DNER: variants seen among roughly 807,000 people sequenced by gnomAD.
The protein encoded by DNER is delta/notch like EGF repeat containing.
In DNER, 33 loss-of-function variants were observed where a neutral mutation model predicts 78.2. That is an observed-to-expected ratio of 0.42 (90% confidence interval 0.32 to 0.56). The LOEUF is 0.56. DNER is among the 20% of genes least tolerant of loss of function. The pLI is 0.11. For synonymous variants in DNER, 417 were observed against 384.8 expected, an observed-to-expected ratio of 1.08 and a Z score of -0.98; for missense variants, 918 against 975.3, an observed-to-expected ratio of 0.94 and a Z score of 0.78.
intron 11 of DNER, among the ~76,000 whole-genome samples, chr2:229,388,061 T>C (rs764069252): frequency 1.3e-5 from 2 of 152,074 alleles, no homozygotes; most frequent in African/African-American, 2.4e-5. Flanking sequence ...GGCAGCAGAA[T>C]GCAGGGGGCA....
At chr2:229,619,412 G>A (rs922936340) in intron 1 of DNER, among the ~76,000 whole-genome samples, 5 of 152,120 alleles carry the variant, frequency 3.3e-5, no homozygotes, top group African/African-American at 1.2e-4. Context: ...AACCAGCTCA[G>A]TGATGTAAGT....
At chr2:229,671,382 C>T (rs2154216836) in intron 1 of DNER, among the ~76,000 whole-genome samples, 2 of 152,344 alleles carry the variant, frequency 1.3e-5, no homozygotes, top group Middle Eastern at 6.8e-3. Flanking sequence ...CCTCTAGCTG[C>T]TTAAAATTCC....
intron 12 of DNER, among the ~76,000 whole-genome samples, chr2:229,362,839 A>G (rs1692246325): frequency 6.6e-6 from 1 of 152,196 alleles, no homozygotes; most frequent in Non-Finnish European, 1.5e-5. Context: ...AAAGAAACAA[A>G]AGATACTGTA....
At chr2:229,379,970 A>G (rs1329105716) in intron 11 of DNER, among the ~76,000 whole-genome samples, 1 of 152,224 alleles carries the variant, frequency 6.6e-6, no homozygotes, top group Non-Finnish European at 1.5e-5. Flanking sequence ...CCCATTCTGT[A>G]TGAGAGCAAT....
chr2:229,664,662 A>G (rs1183259687), intron 1 of DNER, among the ~76,000 whole-genome samples: 1 of 152,192 alleles, frequency 6.6e-6, no homozygotes, highest in Non-Finnish European at 1.5e-5. Flanking sequence ...ACTGAAGCAC[A>G]AAGAAGCTTC....
At chr2:229,535,802 T>C (rs1470334195) in intron 5 of DNER, among the ~76,000 whole-genome samples, 4 of 151,900 alleles carry the variant, frequency 2.6e-5, no homozygotes, top group African/African-American at 4.8e-5. Context: ...CACCACCATA[T>C]CCAGCTAATT....
At chr2:229,592,249 T>G (rs2154214658) in intron 1 of DNER, among the ~76,000 whole-genome samples, 1 of 152,336 alleles carries the variant, frequency 6.6e-6, no homozygotes, top group Admixed American at 6.5e-5. Flanking sequence ...AGCTGTCAAA[T>G]GATATTAGGA....
chr2:229,702,371 C>T (rs1432379958), intron 1 of DNER, among the ~76,000 whole-genome samples: 1 of 151,742 alleles, frequency 6.6e-6, no homozygotes, highest in Non-Finnish European at 1.5e-5. Context: ...CTTGCCTCTA[C>T]AAAAATATTT....
chr2:229,570,798 T>G (rs897629344), intron 4 of DNER, among the ~76,000 whole-genome samples: 1 of 148,376 alleles, frequency 6.7e-6, no homozygotes, highest in Non-Finnish European at 1.5e-5. Context: ...GGGGAGGGAG[T>G]CCAGATGAGG....
chr2:229,385,608 A>C (rs2106334342), intron 11 of DNER, among the ~76,000 whole-genome samples: 1 of 152,348 alleles, frequency 6.6e-6, no homozygotes, highest in Non-Finnish European at 1.5e-5. Context: ...TAAGCTGATA[A>C]GCAACTTCAG....
At chr2:229,688,117 G>A (rs926027851) in intron 1 of DNER, among the ~76,000 whole-genome samples, 1 of 152,152 alleles carries the variant, frequency 6.6e-6, no homozygotes, top group Admixed American at 6.5e-5. Context: ...AAGTACAATC[G>A]GGGTGTTAAG....
At chr2:229,467,665 A>G (rs1694832618) in intron 7 of DNER, among the ~76,000 whole-genome samples, 1 of 152,220 alleles carries the variant, frequency 6.6e-6, no homozygotes, top group African/African-American at 2.4e-5. Context: ...ATTCTGCTAC[A>G]AGAAAAAATG....
chr2:229,639,902 C>G (rs531649564), intron 1 of DNER, among the ~76,000 whole-genome samples: 1 of 152,146 alleles, frequency 6.6e-6, no homozygotes, highest in Admixed American at 6.5e-5. Flanking sequence ...ATAAAATAAC[C>G]CAGAATGCAA....
intron 6 of DNER, among the ~76,000 whole-genome samples, chr2:229,504,182 C>T (rs1452311067): frequency 6.6e-6 from 1 of 152,176 alleles, no homozygotes; most frequent in African/African-American, 2.4e-5. Context: ...TGTATCTCTT[C>T]ATCTATACCC....
chr2:229,484,266 A>T (rs1695225187), intron 6 of DNER, among the ~76,000 whole-genome samples: 1 of 152,236 alleles, frequency 6.6e-6, no homozygotes, highest in Non-Finnish European at 1.5e-5. Context: ...AAATAAATGC[A>T]GAGCTACTGA....
At chr2:229,447,193 A>G in intron 8 of DNER, 123 bp downstream of exon 8, 1 of 937,442 alleles carries the variant, frequency 1.1e-6, no homozygotes, top group Non-Finnish European at 1.6e-6. Flanking sequence ...ACTTACAAGC[A>G]TACCAGTAAG....
At chr2:229,407,939 G>A (rs916905495) in intron 9 of DNER, among the ~76,000 whole-genome samples, 2 of 152,062 alleles carry the variant, frequency 1.3e-5, no homozygotes, top group African/African-American at 2.4e-5. Flanking sequence ...GGAAAGAGTC[G>A]AAGATCACAA....
chr2:229,411,327 C>T (rs982457077), intron 9 of DNER, among the ~76,000 whole-genome samples: 4 of 152,092 alleles, frequency 2.6e-5, no homozygotes, highest in African/African-American at 7.2e-5. Flanking sequence ...GAGGCCAACG[C>T]GGGCAGATCA....
chr2:229,363,116 C>T (rs980179750), intron 12 of DNER, among the ~76,000 whole-genome samples: 19 of 152,194 alleles, frequency 1.2e-4, no homozygotes, highest in Admixed American at 5.2e-4. Context: ...GTTACAAGCT[C>T]TTCCCTGCCT....
Sources: gnomAD v4.1 joint callset for allele counts (sites outside exome capture counted in the v4.1 genomes callset) on GRCh38, gnomAD v4.1.1 for gene constraint, MANE v1.5 for transcripts, NCBI Gene and HGNC (gene_info 2026-07-23, HGNC 2026-07-21) for gene names.